The following ATP8A2 variants were observed in gnomAD, a reference collection of about 807,000 sequenced individuals.
ATP8A2 encodes ATPase phospholipid transporting 8A2.
ATP8A2 carries 100 observed loss-of-function variants against 165.6 expected under a neutral mutation model. The observed-to-expected ratio is 0.60, with a 90% CI of 0.51 to 0.71. ATP8A2 has a LOEUF of 0.71. Ranked by LOEUF, ATP8A2 falls within the 30% of genes least tolerant of loss-of-function variation. The pLI is 0.00. For synonymous variants in ATP8A2, 543 were observed against 548.8 expected (o/e 0.99, Z 0.15); for missense variants, 1,227 against 1,479.5 (o/e 0.83, Z 2.80).
At chr13:25,731,515 T>C (rs1175408425) in intron 25 of ATP8A2, among the ~76,000 whole-genome samples, 3 of 147,872 alleles carry the variant, frequency 2.0e-5, no homozygotes, top group Non-Finnish European at 4.5e-5. Flanking sequence ...CCAAACACTT[T>C]TGGCCAAAGA....
At chr13:25,489,553 T>A (rs974687165) in intron 2 of ATP8A2, among the ~76,000 whole-genome samples, 2 of 152,196 alleles carry the variant, frequency 1.3e-5, no homozygotes, top group Admixed American at 6.5e-5. Flanking sequence ...TCATCCTTGA[T>A]GACAAAGTCT....
At chr13:25,946,005 A>T (rs1032531827) in intron 33 of ATP8A2, among the ~76,000 whole-genome samples, 3 of 152,170 alleles carry the variant, frequency 2.0e-5, no homozygotes, top group African/African-American at 7.2e-5. Flanking sequence ...GGTGAAATGG[A>T]TCATGTGAGA....
At chr13:25,595,004 A>ATATATATG (rs1555227171) in intron 24 of ATP8A2, among the ~76,000 whole-genome samples, 1 of 148,880 alleles carries the variant, frequency 6.7e-6, no homozygotes, top group Admixed American at 6.7e-5. Context: ...ATATATATAT[A>ATATATATG]TATGTATGTA....
At chr13:25,608,037 G>A (rs1021548519) in intron 24 of ATP8A2, among the ~76,000 whole-genome samples, 2 of 152,256 alleles carry the variant, frequency 1.3e-5, no homozygotes, top group Admixed American at 1.3e-4. Context: ...AAGGAGAAAC[G>A]GATTGAATTA....
chr13:25,855,456 T>C (rs1952135734), intron 30 of ATP8A2, among the ~76,000 whole-genome samples: 1 of 152,234 alleles, frequency 6.6e-6, no homozygotes, highest in Non-Finnish European at 1.5e-5. Flanking sequence ...CAGTACTTCA[T>C]TCCTTTTTAT....
chr13:25,971,884 C>T (rs1040342908), intron 35 of ATP8A2, among the ~76,000 whole-genome samples: 2 of 152,144 alleles, frequency 1.3e-5, no homozygotes, highest in African/African-American at 2.4e-5. Flanking sequence ...CACTCCCTCT[C>T]CTGCCTTCCT....
intron 25 of ATP8A2, among the ~76,000 whole-genome samples, chr13:25,757,415 G>T (rs1184123910): frequency 6.6e-6 from 1 of 152,140 alleles, no homozygotes; most frequent in East Asian, 1.9e-4. Flanking sequence ...AGGTCATTTT[G>T]TTACATGGTT....
intron 33 of ATP8A2, among the ~76,000 whole-genome samples, chr13:25,863,911 A>T (rs1384251097): frequency 6.6e-6 from 1 of 152,204 alleles, no homozygotes; most frequent in Non-Finnish European, 1.5e-5. Flanking sequence ...CAGTAGAGGA[A>T]ATTAGAGGGC....
intron 1 of ATP8A2, among the ~76,000 whole-genome samples, chr13:25,417,237 T>C (rs2034157799): frequency 6.6e-6 from 1 of 152,178 alleles, no homozygotes; most frequent in Admixed American, 6.5e-5. Context: ...GAGCCAGGTG[T>C]TTCATTCATC....
chr13:26,002,307 A>G (rs1421073487), intron 35 of ATP8A2, among the ~76,000 whole-genome samples: 3 of 152,104 alleles, frequency 2.0e-5, no homozygotes, highest in Non-Finnish European at 2.9e-5. Flanking sequence ...TGAGAAAACT[A>G]TCACAAGGAC....
chr13:25,667,594 A>G (rs2042180227), intron 24 of ATP8A2, among the ~76,000 whole-genome samples: 1 of 151,894 alleles, frequency 6.6e-6, no homozygotes, highest in African/African-American at 2.4e-5. Flanking sequence ...TGCCAGGGAC[A>G]TGTCCTTGAA....
At chr13:25,549,831 T>A (rs1348881270) in intron 10 of ATP8A2, among the ~76,000 whole-genome samples, 1 of 152,140 alleles carries the variant, frequency 6.6e-6, no homozygotes, top group Non-Finnish European at 1.5e-5. Flanking sequence ...CAGAGGGGAC[T>A]CTCTCTGATC....
chr13:25,673,024 A>G (rs1013343110), intron 24 of ATP8A2, among the ~76,000 whole-genome samples: 1 of 152,164 alleles, frequency 6.6e-6, no homozygotes, highest in Admixed American at 6.5e-5. Flanking sequence ...TTTTAGGGTC[A>G]GTATTCTCTG....
chr13:25,465,671 CTTTCTTTCTTTCTT>C (rs2035618874), intron 1 of ATP8A2, among the ~76,000 whole-genome samples: 10 of 7,250 alleles, frequency 1.4e-3, no homozygotes, highest in Non-Finnish European at 3.0e-3. Flanking sequence ...AGTTTTCTTT[CTTTCTTTCTTTCTT>C]TCTTTCTTTC....
At chr13:25,837,727 G>A (rs1055161920) in intron 29 of ATP8A2, among the ~76,000 whole-genome samples, 7 of 152,130 alleles carry the variant, frequency 4.6e-5, no homozygotes, top group East Asian at 1.9e-4. Context: ...GAAATAAAAT[G>A]TGTCTTTAGC....
At chr13:25,701,438 G>A (rs114186899) in intron 25 of ATP8A2, among the ~76,000 whole-genome samples, 1 of 152,066 alleles carries the variant, frequency 6.6e-6, no homozygotes. Flanking sequence ...CCACACTGGA[G>A]GTTGTTACTG....
chr13:25,867,564 A>G (rs1450350495), intron 33 of ATP8A2, among the ~76,000 whole-genome samples: 1 of 152,150 alleles, frequency 6.6e-6, no homozygotes, highest in African/African-American at 2.4e-5. Context: ...GTTGTCCCAC[A>G]TCCATCCTCC....
intron 2 of ATP8A2, among the ~76,000 whole-genome samples, chr13:25,526,338 C>T (rs1430203851): frequency 6.6e-6 from 1 of 152,026 alleles, no homozygotes; most frequent in African/African-American, 2.4e-5. Flanking sequence ...AGTCATGGTT[C>T]CCTGTTTGCT....
chr13:25,494,000 G>T (rs1162036191), intron 2 of ATP8A2, among the ~76,000 whole-genome samples: 1 of 152,092 alleles, frequency 6.6e-6, no homozygotes, highest in African/African-American at 2.4e-5. Flanking sequence ...GGTGAATCAC[G>T]TCCACTCTAA....
Sources: gnomAD v4.1 joint callset for allele counts (sites outside exome capture counted in the v4.1 genomes callset) on GRCh38, gnomAD v4.1.1 for gene constraint, MANE v1.5 for transcripts, NCBI Gene and HGNC (gene_info 2026-07-23, HGNC 2026-07-21) for gene names.